Variants in RPSA2 observed in about 807,000 individuals in gnomAD.
The protein encoded by RPSA2 is ribosomal protein SA 2.
At chr19:23,760,968 A>G in the RPSA2 span, among the ~76,000 whole-genome samples, 1 of 151,156 alleles carries the variant, frequency 6.6e-6, no homozygotes, top group African/African-American at 2.4e-5. Flanking sequence ...CCTGGCAAAC[A>G]TACATATTAT....
chr19:23,826,404 C>T, the RPSA2 span, among the ~76,000 whole-genome samples: 21 of 151,784 alleles, frequency 1.4e-4, no homozygotes, highest in South Asian at 4.2e-4. Context: ...TGTTGGCCAG[C>T]GTGGTTTCAA....
the RPSA2 span, among the ~76,000 whole-genome samples, chr19:23,859,831 T>TGCCTACTC: frequency 6.6e-6 from 1 of 152,232 alleles, no homozygotes; most frequent in Non-Finnish European, 1.5e-5. Context: ...TTTGTAAATA[T>TGCCTACTC]GCCTACTCTT....
chr19:23,830,764 C>T, the RPSA2 span, among the ~76,000 whole-genome samples: 4 of 151,800 alleles, frequency 2.6e-5, no homozygotes, highest in East Asian at 5.8e-4. Flanking sequence ...ATTTATACCT[C>T]TGATTTTTTT....
chr19:23,864,229 C>A, the RPSA2 span, among the ~76,000 whole-genome samples: 2 of 152,202 alleles, frequency 1.3e-5, no homozygotes, highest in Admixed American at 6.5e-5. Context: ...AACGCATGGC[C>A]TGCCTTACCT....
chr19:23,851,725 T>A, the RPSA2 span, among the ~76,000 whole-genome samples: 12 of 152,220 alleles, frequency 7.9e-5, no homozygotes, highest in Non-Finnish European at 2.9e-5. Flanking sequence ...AGCATTTCCG[T>A]TACTGGAGCC....
At chr19:23,833,211 A>T in the RPSA2 span, 1 of 1,181,192 alleles carries the variant, frequency 8.5e-7, no homozygotes. Context: ...TTTATACTTG[A>T]AAGCAACCCT....
At chr19:23,769,728 T>C in the RPSA2 span, among the ~76,000 whole-genome samples, 1 of 152,254 alleles carries the variant, frequency 6.6e-6, no homozygotes, top group Admixed American at 6.5e-5. Flanking sequence ...GACTCTACTC[T>C]TTGGTCTCTG....
chr19:23,863,792 A>C, the RPSA2 span, among the ~76,000 whole-genome samples: 1 of 152,208 alleles, frequency 6.6e-6, no homozygotes, highest in African/African-American at 2.4e-5. Context: ...AAACATAAGA[A>C]TTTGACTAGT....
the RPSA2 span, among the ~76,000 whole-genome samples, chr19:23,760,663 ATATATAT>A: frequency 2.4e-5 from 2 of 81,752 alleles, no homozygotes; most frequent in Admixed American, 2.1e-4. Context: ...ATATATATAT[ATATATAT>A]TTTTTTTTTT....
chr19:23,776,977 CCT>C, the RPSA2 span, among the ~76,000 whole-genome samples: 8 of 152,192 alleles, frequency 5.3e-5, no homozygotes, highest in Admixed American at 5.2e-4. Context: ...CTTCCTGGGA[CCT>C]GCCATATGGG....
the RPSA2 span, among the ~76,000 whole-genome samples, chr19:23,860,347 C>T: frequency 6.6e-6 from 1 of 152,210 alleles, no homozygotes; most frequent in Non-Finnish European, 1.5e-5. Flanking sequence ...AAATCCTGTA[C>T]TTAAACTGCT....
At chr19:23,845,850 T>C in the RPSA2 span, among the ~76,000 whole-genome samples, 1 of 150,004 alleles carries the variant, frequency 6.7e-6, no homozygotes, top group Admixed American at 6.7e-5. Flanking sequence ...TTTAATTGTT[T>C]GTAAATTTAT....
At chr19:23,827,599 G>A in the RPSA2 span, 38 of 1,589,690 alleles carry the variant, frequency 2.4e-5, no homozygotes, top group East Asian at 5.6e-4. Flanking sequence ...CTACCATTGC[G>A]CTGTGTAACA....
the RPSA2 span, among the ~76,000 whole-genome samples, chr19:23,805,508 G>A: frequency 0.12 from 17,827 of 152,124 alleles, 1,102 homozygotes; most frequent in East Asian, 0.22. Flanking sequence ...ATAAAGGACA[G>A]AAATGGGTAG....
the RPSA2 span, among the ~76,000 whole-genome samples, chr19:23,788,941 G>A: frequency 3.3e-5 from 5 of 151,508 alleles, no homozygotes; most frequent in East Asian, 9.7e-4. Flanking sequence ...CTCACTGAGA[G>A]CTTTGTAACA....
chr19:23,865,791 C>T, the RPSA2 span, among the ~76,000 whole-genome samples: 19 of 152,136 alleles, frequency 1.2e-4, no homozygotes, highest in African/African-American at 4.3e-4. Flanking sequence ...GAATGATCCA[C>T]CACATTTTTG....
At chr19:23,821,113 A>G in the RPSA2 span, among the ~76,000 whole-genome samples, 1 of 152,208 alleles carries the variant, frequency 6.6e-6, no homozygotes, top group Non-Finnish European at 1.5e-5. Flanking sequence ...CCTTGATACC[A>G]ACTCATTATT....
chr19:23,859,304 T>C, the RPSA2 span, among the ~76,000 whole-genome samples: 1 of 152,158 alleles, frequency 6.6e-6, no homozygotes, highest in Non-Finnish European at 1.5e-5. Flanking sequence ...TTACCATTTA[T>C]GAATAGTTTA....
chr19:23,845,020 A>G, the RPSA2 span, among the ~76,000 whole-genome samples: 1 of 142,208 alleles, frequency 7.0e-6, no homozygotes, highest in African/African-American at 2.6e-5. Context: ...GAATTTATTC[A>G]TTCTTTGTAG....
Sources: gnomAD v4.1 joint callset for allele counts (sites outside exome capture counted in the v4.1 genomes callset) on GRCh38, gnomAD v4.1.1 for gene constraint, MANE v1.5 for transcripts, NCBI Gene and HGNC (gene_info 2026-07-23, HGNC 2026-07-21) for gene names.